RAG1: variants seen among roughly 807,000 people sequenced by gnomAD.
The protein encoded by RAG1 is recombination activating 1, also known as V(D)J recombination-activating protein 1.
RAG1 carries 35 observed loss-of-function variants against 62.7 expected under a neutral mutation model. That is an observed-to-expected ratio of 0.56 (90% confidence interval 0.43 to 0.74). RAG1 has a LOEUF of 0.74. RAG1 is among the 30% of genes least tolerant of loss of function. The pLI, the probability that RAG1 is intolerant of heterozygous loss-of-function variation, is 0.00. For synonymous variants in RAG1, 461 were observed against 470.3 expected (o/e 0.98, Z 0.26); for missense variants, 1,169 against 1,278.6 (o/e 0.91, Z 1.31).
At chr11:36,521,802 T>C (rs1860084265) in intron 2 of RAG1, among the ~76,000 whole-genome samples, 1 of 152,190 alleles carries the variant, frequency 6.6e-6, no homozygotes, top group Non-Finnish European at 1.5e-5. Context: ...TGAGGTGGTA[T>C]CAGATGGAGA....
At chr11:36,561,389 A>G (rs893315347) in intron 3 of RAG1, among the ~76,000 whole-genome samples, 5 of 152,112 alleles carry the variant, frequency 3.3e-5, no homozygotes, top group South Asian at 2.1e-4. Flanking sequence ...TGCAAATTTC[A>G]TCACTCTTGA....
Position 36,574,757 on chromosome 11 carries a change from C to T in RAG1, c.1453C>T (p.His485Tyr), listed in dbSNP as rs1159838942. Residue 485 changes from histidine to tyrosine, a missense_variant, in exon 2 of 2, where the codon CAC becomes TAC. Around this residue, in one of 2 missense-constraint regions of RAG1, gnomAD observed 800 missense variants for 943.3 expected, o/e 0.85. Coordinates refer to ENST00000299440, the MANE Select transcript of RAG1 (RefSeq NM_000448.3). ...VNTFLSCSQY[H>Y]KMYRTVKAIT... ...CACCTTCCTCAGCTGCAGTCAGTAC[C>T]ACAAGATGTACAGGACTGTGAAAGC... is the stretch of plus-strand genomic sequence containing the variant. 1 of 1,614,096 alleles carries T rather than the reference C, an allele frequency of 6.2e-7. No homozygotes were observed. Among genetic ancestry groups the T allele is most frequent in the African/African-American group, 1.3e-5 (1 of 74,936 alleles).
At chr11:36,534,269 G>C (rs535426117) in intron 2 of RAG1, among the ~76,000 whole-genome samples, 1 of 152,254 alleles carries the variant, frequency 6.6e-6, no homozygotes, top group South Asian at 2.1e-4. Flanking sequence ...TGATACAGCA[G>C]GAACAGGCAA....
At chr11:36,569,363 G>T (rs923747465) in intron 1 of RAG1, among the ~76,000 whole-genome samples, 1 of 152,210 alleles carries the variant, frequency 6.6e-6, no homozygotes, top group African/African-American at 2.4e-5. Context: ...AGATCCCGAG[G>T]CTGGTCTACT....
intron 3 of RAG1, among the ~76,000 whole-genome samples, chr11:36,549,017 T>C (rs1470102312): frequency 6.6e-6 from 1 of 152,114 alleles, no homozygotes; most frequent in Admixed American, 6.5e-5. Flanking sequence ...AAACAAGCAA[T>C]GGGGAAAGGA....
In RAG1 at chr11:36,574,783, C is replaced by T; in HGVS notation, c.1479C>T (p.Ala493=). 3.1e-6 allele frequency: 5 copies of T among 1,614,252 alleles called. No homozygotes were observed. Among genetic ancestry groups the T allele is most frequent in the Non-Finnish European group, 4.2e-6 (5 of 1,180,046 alleles). The change falls in exon 2 of 2, where the codon GCC becomes GCT. Residue 493 remains alanine, a synonymous_variant. Coordinates refer to ENST00000299440, the MANE Select transcript of RAG1 (RefSeq NM_000448.3). The part of the protein sequence containing the change: ...QYHKMYRTVK[A]ITGRQIFQPL... Reference sequence around the variant, plus strand: ...ACAAGATGTACAGGACTGTGAAAGCCATCACAGGGAGACAGATTTTTCAGC... The same window carrying T: ...ACAAGATGTACAGGACTGTGAAAGCTATCACAGGGAGACAGATTTTTCAGC...
At chr11:36,510,381 C>G (rs1440017734), upstream of RAG1, 1 of 152,132 alleles carries the variant, frequency 6.6e-6, no homozygotes, top group East Asian at 2.0e-4. Flanking sequence ...TGGCGCGGGC[C>G]GGGCGGCGCC....
downstream of RAG1, among the ~76,000 whole-genome samples, chr11:36,539,543 GGCACCATCTCA>G (rs1860382469): frequency 6.6e-6 from 1 of 152,124 alleles, no homozygotes; most frequent in African/African-American, 2.4e-5. Flanking sequence ...GGAGTACAGT[GGCACCATCTCA>G]GCTCACTGAA....
chr11:36,544,091 C>T (rs1233647835), intron 3 of RAG1, among the ~76,000 whole-genome samples: 1 of 152,144 alleles, frequency 6.6e-6, no homozygotes. Context: ...CTTCCTTTAG[C>T]CACTTTTTTA....
At chr11:36,522,164 A>C (rs1860090156) in intron 2 of RAG1, among the ~76,000 whole-genome samples, 1 of 152,216 alleles carries the variant, frequency 6.6e-6, no homozygotes, top group African/African-American at 2.4e-5. Flanking sequence ...GACAATGGAA[A>C]AAATATCTCC....
rs558286739 is a variant in RAG1, at chr11:36,559,110, TG to T, written c.-411-4274del. Among the ~76,000 whole-genome samples the T allele has an allele frequency of 5.3e-4, 81 of 152,290 alleles. 2 individuals are homozygous for T. The South Asian group carries it at 0.017, about 31-fold the overall frequency. On this transcript the variant is annotated intron_variant and NMD_transcript_variant, in intron 3 of 9. Transcript: ENST00000534663. ...ATTTCTGAGGGATAGTTTTGTTGGG[TG>T]TAGTATTCTTGATTGACAGTTTTTT...
Position 36,576,552 on chromosome 11 carries a change from G to A in RAG1, c.*116G>A, listed in dbSNP as rs1381219675. 4 of 1,240,780 alleles carry A rather than the reference G, an allele frequency of 3.2e-6. No homozygotes were observed. Among genetic ancestry groups the A allele is most frequent in the African/African-American group, 3.0e-5 (2 of 67,052 alleles). The allele number at this position is 1,240,780 out of a possible 1,614,324, so 76.9% of individuals were successfully genotyped here. A position where few individuals can be genotyped will look rare whatever the true frequency, so the allele number is the denominator to read the frequency against. ...ATGGGGCTTCACCATCCAAGAGGTGGTAGGTTGGAGTAAGATGCTACAGAT... is the reference window on the plus strand; with the variant it reads ...ATGGGGCTTCACCATCCAAGAGGTGATAGGTTGGAGTAAGATGCTACAGAT... On this transcript the variant is annotated 3_prime_UTR_variant, in exon 2 of 2. Coordinates refer to ENST00000299440, the MANE Select transcript of RAG1 (RefSeq NM_000448.3).
chr11:36,533,031 G>C (rs1482404760), intron 2 of RAG1, among the ~76,000 whole-genome samples: 4 of 152,266 alleles, frequency 2.6e-5, no homozygotes, highest in African/African-American at 7.2e-5. Flanking sequence ...CAGCCCAATT[G>C]TTCCCTTTTT....
intron 2 of RAG1, among the ~76,000 whole-genome samples, chr11:36,529,915 T>C (rs1860227427): frequency 1.3e-5 from 2 of 152,086 alleles, no homozygotes; most frequent in African/African-American, 4.8e-5. Flanking sequence ...CCTTATTAAC[T>C]ATTTGGTTGA....
At chr11:36,540,278 T>C (rs112109118), downstream of RAG1, among the ~76,000 whole-genome samples, 24 of 152,348 alleles carry the variant, frequency 1.6e-4, no homozygotes, top group African/African-American at 5.8e-4. Context: ...GACAACCTGC[T>C]ACAGCTCTAA....
intron 3 of RAG1, among the ~76,000 whole-genome samples, chr11:36,543,100 T>G (rs1194123804): frequency 6.6e-6 from 1 of 152,224 alleles, no homozygotes; most frequent in Non-Finnish European, 1.5e-5. Flanking sequence ...GACTCCTACA[T>G]TTCTGACATT....
chr11:36,536,283 C>A (rs1860325165), downstream of RAG1, among the ~76,000 whole-genome samples: 1 of 152,106 alleles, frequency 6.6e-6, no homozygotes. Context: ...TTATACAATA[C>A]AATATGGCAA....
At chr11:36,562,746 G>A (rs976058140) in intron 3 of RAG1, among the ~76,000 whole-genome samples, 1 of 152,090 alleles carries the variant, frequency 6.6e-6, no homozygotes, top group African/African-American at 2.4e-5. Flanking sequence ...CCATGGACTG[G>A]GTAGCTTAAA....
intron 1 of RAG1, among the ~76,000 whole-genome samples, chr11:36,517,754 C>T (rs1308168442): frequency 6.6e-6 from 1 of 152,174 alleles, no homozygotes; most frequent in Non-Finnish European, 1.5e-5. Context: ...CCAATTCCTG[C>T]CAGAACAGAA....
Sources: gnomAD v4.1 joint callset for allele counts (sites outside exome capture counted in the v4.1 genomes callset) on GRCh38, gnomAD v4.1.1 for gene constraint, gnomAD v4.1.1 regional missense constraint, MANE v1.5 for transcripts, NCBI Gene and HGNC (gene_info 2026-07-23, HGNC 2026-07-21) for gene names.